Variants in DLG1 observed in about 807,000 individuals in gnomAD.
DLG1 encodes the protein disks large homolog 1.
DLG1 carries 42 observed loss-of-function variants against 123.4 expected under a neutral mutation model. The ratio of observed to expected loss-of-function variants is 0.34; its 90% confidence interval spans 0.27 to 0.44. The LOEUF (loss-of-function observed/expected upper bound fraction) is 0.44. DLG1 is among the 20% of genes least tolerant of loss of function. The probability of loss-of-function intolerance (pLI) is 1.00; values close to 1 mark genes in which losing one functional copy is unlikely to be tolerated. For synonymous variants in DLG1, 317 were observed against 356.2 expected, an observed-to-expected ratio of 0.89 and a Z score of 1.24; for missense variants, 942 against 1,082.6, an observed-to-expected ratio of 0.87 and a Z score of 1.82.
intron 11 of DLG1, among the ~76,000 whole-genome samples, chr3:197,122,705 A>G (rs979586619): frequency 2.0e-5 from 3 of 152,140 alleles, no homozygotes; most frequent in Admixed American, 6.5e-5. Context: ...TCAAATAGCC[A>G]GGACTAAATC....
intron 3 of DLG1, among the ~76,000 whole-genome samples, chr3:197,290,897 T>TAAAAAAAAA (rs34807556): frequency 1.1e-5 from 1 of 87,970 alleles, no homozygotes; most frequent in African/African-American, 5.1e-5. Context: ...CTCCAAATAG[T>TAAAAAAAAA]AAAAAAAAAA....
chr3:197,131,873 G>A (rs906231564), intron 10 of DLG1, among the ~76,000 whole-genome samples: 91 of 152,042 alleles, frequency 6.0e-4, no homozygotes, highest in Non-Finnish European at 4.1e-4. Flanking sequence ...GATTACAGGC[G>A]TGAGCCACCG....
intron 13 of DLG1, among the ~76,000 whole-genome samples, chr3:197,107,889 G>A (rs112009899): frequency 6.6e-6 from 1 of 150,610 alleles, no homozygotes; most frequent in Non-Finnish European, 1.5e-5. Flanking sequence ...CCCTTGTCTT[G>A]TTCCTGATTT....
At chr3:197,233,262 CATT>C (rs1294370275) in intron 4 of DLG1, among the ~76,000 whole-genome samples, 1 of 151,968 alleles carries the variant, frequency 6.6e-6, no homozygotes, top group Non-Finnish European at 1.5e-5. Context: ...GTTATAAACG[CATT>C]ATTAATAGAA....
At chr3:197,098,096 C>T (rs1029415900) in intron 14 of DLG1, among the ~76,000 whole-genome samples, 3 of 152,114 alleles carry the variant, frequency 2.0e-5, no homozygotes, top group Non-Finnish European at 4.4e-5. Flanking sequence ...CTCCCAAGCC[C>T]GTACGCTGTT....
chr3:197,097,200 G>A, intron 14 of DLG1, among the ~76,000 whole-genome samples: 1 of 152,198 alleles, frequency 6.6e-6, no homozygotes, highest in Non-Finnish European at 1.5e-5. Flanking sequence ...GGTTAACTGT[G>A]TCATAGGGCC....
intron 5 of DLG1, among the ~76,000 whole-genome samples, chr3:197,160,663 C>T: frequency 6.6e-6 from 1 of 152,044 alleles, no homozygotes; most frequent in Admixed American, 6.5e-5. Context: ...ACTGTAATTT[C>T]CCCTAGAATC....
upstream of DLG1, among the ~76,000 whole-genome samples, chr3:197,298,791 G>A (rs562025504): frequency 6.6e-6 from 1 of 152,284 alleles, no homozygotes; most frequent in Admixed American, 6.5e-5. Context: ...ATAGGCTTGG[G>A]GGGAGGGGTT....
chr3:197,250,352 G>A (rs1415987486), intron 4 of DLG1, among the ~76,000 whole-genome samples: 3 of 151,930 alleles, frequency 2.0e-5, no homozygotes, highest in Admixed American at 6.5e-5. Flanking sequence ...GGTGAATCAC[G>A]AGGTCAGGAG....
chr3:197,199,715 T>C (rs1724611724), intron 4 of DLG1, among the ~76,000 whole-genome samples: 1 of 152,182 alleles, frequency 6.6e-6, no homozygotes. Flanking sequence ...TTTCTTGTTA[T>C]CTAAAGGTTT....
chr3:197,289,614 G>A (rs1171238177), intron 3 of DLG1, among the ~76,000 whole-genome samples: 1 of 152,090 alleles, frequency 6.6e-6, no homozygotes, highest in African/African-American at 2.4e-5. Flanking sequence ...CTAAAAGCAA[G>A]TATGATTATT....
At chr3:197,099,175 C>T (rs1762179198) in intron 14 of DLG1, among the ~76,000 whole-genome samples, 2 of 152,206 alleles carry the variant, frequency 1.3e-5, no homozygotes, top group South Asian at 2.1e-4. Flanking sequence ...AAGCAATCTT[C>T]CTACCTTAGC....
intron 4 of DLG1, among the ~76,000 whole-genome samples, chr3:197,273,186 A>ATGTGTG (rs1365600529): frequency 5.1e-5 from 6 of 117,284 alleles, no homozygotes; most frequent in African/African-American, 1.9e-4. Context: ...TACACTGAAT[A>ATGTGTG]TATGTGTGTG....
At chr3:197,106,335 G>A (rs1473895315) in intron 13 of DLG1, among the ~76,000 whole-genome samples, 3 of 152,180 alleles carry the variant, frequency 2.0e-5, no homozygotes, top group Non-Finnish European at 4.4e-5. Flanking sequence ...GAACCTGGGA[G>A]GCGGAAGTTA....
rs139275681 is a variant in DLG1 at position 197,224,457 on chromosome 3, C to G, written c.319-29868G>C. Among the ~76,000 whole-genome samples the G allele has an allele frequency of 3.4e-3, 513 of 152,262 alleles. 5 individuals carry two copies. The highest frequency in any genetic ancestry group is 0.012 in the African/African-American group (479 of 41,548). ...TTTAAAATCCTTTTCCTAAAACACT[C>G]TGTTGTACATACCACATGAAAAAAC... is the stretch of plus-strand genomic sequence containing the variant. On this transcript the variant is annotated intron_variant, in intron 4 of 24. Coordinates refer to ENST00000667157, the MANE Select transcript of DLG1 (RefSeq NM_001366207.1).
intron 4 of DLG1, among the ~76,000 whole-genome samples, chr3:197,263,594 C>G (rs1007853093): frequency 3.3e-5 from 5 of 152,072 alleles, no homozygotes; most frequent in Non-Finnish European, 7.4e-5. Flanking sequence ...CGAGACCAGC[C>G]TGGCCAACAT....
At chr3:197,277,712 G>A (rs539195634) in intron 4 of DLG1, among the ~76,000 whole-genome samples, 2 of 151,922 alleles carry the variant, frequency 1.3e-5, no homozygotes, top group South Asian at 4.2e-4. Context: ...CATTAAATCA[G>A]GCAATTCCTC....
At chr3:197,083,246 T>C (rs1752277507) in intron 16 of DLG1, among the ~76,000 whole-genome samples, 1 of 152,174 alleles carries the variant, frequency 6.6e-6, no homozygotes, top group South Asian at 2.1e-4. Flanking sequence ...TTTCAACTTC[T>C]ACAAACAGGT....
rs1733318538 is a variant in DLG1, at chr3:197,214,944, A to C, written c.319-20355T>G. On this transcript the variant is annotated intron_variant, in intron 4 of 24. Coordinates refer to ENST00000667157, the MANE Select transcript of DLG1 (RefSeq NM_001366207.1). ...CATACCCACAAAACCACAAATGCCC[A>C]ATAATACCTAGTTTTGATGAAGGTG... Among the ~76,000 whole-genome samples the C allele has an allele frequency of 2.6e-5, 4 of 152,206 alleles. No individual in the cohort carries two copies. The South Asian group carries it at 8.3e-4, about 32-fold the overall frequency.
Sources: allele counts gnomAD v4.1 joint callset (sites outside exome capture counted in the v4.1 genomes callset), GRCh38; gene constraint gnomAD v4.1.1; transcripts MANE v1.5; gene names NCBI Gene and HGNC (gene_info 2026-07-23, HGNC 2026-07-21).